The following CGNL1 variants were observed in gnomAD, a reference collection of about 807,000 sequenced individuals.
The protein encoded by CGNL1 is cingulin-like protein 1.
Under a neutral mutation model 141.2 loss-of-function variants are expected in CGNL1, and 132 were observed. The observed-to-expected ratio is 0.93, with a 90% confidence interval of 0.81 to 1.08. The LOEUF is 1.08. Among genes scored for constraint, CGNL1 ranks in the 50% least tolerant of loss-of-function variants. The pLI is 0.00. For synonymous variants in CGNL1, 690 were observed against 622.1 expected (o/e 1.11, Z -1.63); for missense variants, 1,870 against 1,588.6 (o/e 1.18, Z -3.01).
chr15:57,412,425 G>C (rs1406462082), intron 1 of CGNL1, among the ~76,000 whole-genome samples: 2 of 152,192 alleles, frequency 1.3e-5, no homozygotes, highest in African/African-American at 2.4e-5. Context: ...TCTTTGGTGT[G>C]ATTATCTTGA....
chr15:57,514,197 GT>G (rs2030579242), intron 8 of CGNL1, among the ~76,000 whole-genome samples: 1 of 152,088 alleles, frequency 6.6e-6, no homozygotes, highest in Non-Finnish European at 1.5e-5. Context: ...TGTCACCCAA[GT>G]TGGAGTGCAG....
intron 4 of CGNL1, among the ~76,000 whole-genome samples, chr15:57,442,680 A>G (rs191260219): frequency 1.3e-5 from 2 of 152,218 alleles, no homozygotes; most frequent in East Asian, 3.9e-4. Flanking sequence ...GTGTAGTGGT[A>G]TGATCTTGGC....
At chr15:57,531,660 A>C (rs1288557800) in intron 13 of CGNL1, 30 bp from the exon 14 acceptor site, 2 of 1,465,956 alleles carry the variant, frequency 1.4e-6, no homozygotes, top group Admixed American at 1.7e-5. Context: ...GTGCAAGTTA[A>C]GTCAACTGTG....
Position 57,452,194 on chromosome 15 carries a change from G to C in CGNL1, c.1959G>C (p.Glu653Asp). 1 of 1,613,932 alleles carries C rather than the reference G, an allele frequency of 6.2e-7. No individual in the cohort carries two copies. The highest frequency in any genetic ancestry group is 8.5e-7 in the Non-Finnish European group (1 of 1,179,928). Residue 653 changes from glutamate to aspartate, a missense_variant, in exon 6 of 19, where the codon GAG (glutamate) becomes GAC (aspartate). Glu to Asp is a conservative substitution (Grantham distance 45). Coordinates refer to ENST00000281282, the MANE Select transcript of CGNL1 (RefSeq NM_032866.5). ...AGAGGATGAGAGCAAACCTAGAAGA[G>C]CTCCGAAGCCAACACAACGAAAAGG... is the stretch of plus-strand genomic sequence containing the variant. ...ERERMRANLE[E>D]LRSQHNEKVE...
At chr15:57,454,311 A>G (rs2152325482) in intron 7 of CGNL1, among the ~76,000 whole-genome samples, 1 of 152,284 alleles carries the variant, frequency 6.6e-6, no homozygotes, top group South Asian at 2.1e-4. Flanking sequence ...ACAAAGCCAA[A>G]AAAATTAAAA....
intron 8 of CGNL1, among the ~76,000 whole-genome samples, chr15:57,498,121 G>A (rs1275240293): frequency 1.3e-5 from 2 of 151,948 alleles, no homozygotes; most frequent in Non-Finnish European, 2.9e-5. Context: ...CCCAAATAGA[G>A]TTAAGGCTCC....
intron 8 of CGNL1, among the ~76,000 whole-genome samples, chr15:57,466,038 G>T (rs1414349058): frequency 1.3e-5 from 2 of 152,196 alleles, no homozygotes; most frequent in African/African-American, 4.8e-5. Context: ...TCACCCAGCA[G>T]AATGAATTGC....
chr15:57,493,416 A>G (rs2063894160), intron 8 of CGNL1, among the ~76,000 whole-genome samples: 1 of 152,146 alleles, frequency 6.6e-6, no homozygotes, highest in Admixed American at 6.5e-5. Context: ...TTCATGACAT[A>G]AAGACACAGA....
intron 1 of CGNL1, among the ~76,000 whole-genome samples, chr15:57,384,680 TC>T (rs59559983): frequency 6.6e-6 from 1 of 152,002 alleles, no homozygotes; most frequent in Non-Finnish European, 1.5e-5. Flanking sequence ...TTATTTTCTT[TC>T]TTTTTTAAAA....
chr15:57,528,373 AT>A (rs1225420806), intron 12 of CGNL1, among the ~76,000 whole-genome samples: 1 of 152,168 alleles, frequency 6.6e-6, no homozygotes, highest in Admixed American at 6.5e-5. Flanking sequence ...ATACTCTGCT[AT>A]TTTTTTCTGT....
At chr15:57,513,192 C>G (rs1337885309) in intron 8 of CGNL1, among the ~76,000 whole-genome samples, 1 of 151,752 alleles carries the variant, frequency 6.6e-6, no homozygotes, top group Non-Finnish European at 1.5e-5. Context: ...AGGGCAATCA[C>G]TAATCTATTT....
chr15:57,510,104 T>G (rs1328415831), intron 8 of CGNL1, among the ~76,000 whole-genome samples: 1 of 151,796 alleles, frequency 6.6e-6, no homozygotes, highest in Non-Finnish European at 1.5e-5. Context: ...GTAAAAAATG[T>G]GCAGGTAGTG....
intron 1 of CGNL1, among the ~76,000 whole-genome samples, chr15:57,434,088 C>G (rs1022961043): frequency 6.6e-6 from 1 of 152,044 alleles, no homozygotes; most frequent in Non-Finnish European, 1.5e-5. Context: ...GGGGCCAAAA[C>G]AGGAAAAGAA....
rs143062283 is a variant in CGNL1 at position 57,504,324 on chromosome 15, G to A, written c.2404-12456G>A. Among the ~76,000 whole-genome samples, 125 of 152,330 alleles carry A rather than the reference G, an allele frequency of 8.2e-4. 1 individual carries two copies. The highest frequency in any genetic ancestry group is 3.0e-3 in the African/African-American group (124 of 41,570). ...TAGTTGACGGGCTCAGAGTTGCATG[G>A]TTGATGGGCGGCTGAGCCAGGATTT... On this transcript the variant is annotated intron_variant, in intron 8 of 18. Coordinates refer to ENST00000281282, the MANE Select transcript of CGNL1 (RefSeq NM_032866.5).
chr15:57,387,369 G>A (rs1399522480), intron 1 of CGNL1, among the ~76,000 whole-genome samples: 1 of 152,158 alleles, frequency 6.6e-6, no homozygotes, highest in African/African-American at 2.4e-5. Context: ...CTGTTTTCAA[G>A]TTTTAAACTG....
chr15:57,407,136 A>G (rs1402500663), intron 1 of CGNL1: 2 of 152,250 alleles, frequency 1.3e-5, no homozygotes, highest in Non-Finnish European at 2.9e-5. Context: ...GTATACATGA[A>G]GAATTTCAAG....
At chr15:57,452,578 C>G (rs909223223) in intron 6 of CGNL1, among the ~76,000 whole-genome samples, 2 of 152,164 alleles carry the variant, frequency 1.3e-5, no homozygotes, top group Admixed American at 6.5e-5. Context: ...GCAGGGAGCA[C>G]TGAGCGCTGA....
chr15:57,416,690 G>GT (rs1372630836), intron 1 of CGNL1, among the ~76,000 whole-genome samples: 9 of 152,196 alleles, frequency 5.9e-5, no homozygotes, highest in African/African-American at 2.2e-4. Context: ...GCTTTAGTCA[G>GT]TGCTGGAGTG....
chr15:57,445,828 A>C (rs1333613398), intron 4 of CGNL1, among the ~76,000 whole-genome samples: 2 of 152,196 alleles, frequency 1.3e-5, no homozygotes, highest in Non-Finnish European at 2.9e-5. Context: ...ATTTTAGCCA[A>C]ATCCTTTTGA....
Sources: allele counts gnomAD v4.1 joint callset (sites outside exome capture counted in the v4.1 genomes callset), GRCh38; gene constraint gnomAD v4.1.1; transcripts MANE v1.5; gene names NCBI Gene and HGNC (gene_info 2026-07-23, HGNC 2026-07-21).